The following ITGA10 variants were observed in gnomAD, a reference collection of about 807,000 sequenced individuals.
ITGA10 encodes integrin subunit alpha 10, also known as integrin alpha-10.
A neutral mutation model predicts 145.2 loss-of-function variants in ITGA10; 105 were observed. The ratio of observed to expected loss-of-function variants is 0.72; its 90% CI spans 0.62 to 0.85. The LOEUF (loss-of-function observed/expected upper bound fraction) is 0.85. Ranked by LOEUF, ITGA10 falls within the 40% of genes least tolerant of loss-of-function variation. The probability of loss-of-function intolerance (pLI) is 0.00; values close to 1 mark genes in which losing one functional copy is unlikely to be tolerated. For synonymous variants in ITGA10, 506 were observed against 557.8 expected (o/e 0.91, Z 1.31); for missense variants, 1,317 against 1,444.5 (o/e 0.91, Z 1.43).
chr1:145,895,397 A>C lies in ITGA10; in HGVS notation c.3115-4T>G, dbSNP rs375244751. 1 of 1,608,560 alleles carries C rather than the reference A, an allele frequency of 6.2e-7. No homozygotes were observed. Among genetic ancestry groups the C allele is most frequent in the South Asian group, 1.1e-5 (1 of 90,844 alleles). On this transcript the variant is annotated splice_polypyrimidine_tract_variant and splice_region_variant and intron_variant, in intron 26 of 29. Coordinates refer to ENST00000369304, the MANE Select transcript of ITGA10 (RefSeq NM_003637.5). ...GACACTGAGTATTGCTCCCATTCTAACAGAAGAGACAGAGAGAGACAGATC... is the reference window on the plus strand; with the variant it reads ...GACACTGAGTATTGCTCCCATTCTACCAGAAGAGACAGAGAGAGACAGATC...
chr1:145,898,659 C>T (rs1202921851), intron 17 of ITGA10, among the ~76,000 whole-genome samples: 6 of 152,142 alleles, frequency 3.9e-5, no homozygotes, highest in South Asian at 4.1e-4. Context: ...TGAGCCACTG[C>T]GCCCGGCTAA....
In ITGA10 at chr1:145,891,250, C is replaced by T. The variant is rs1383530655; in HGVS notation, c.*1548G>A. On this transcript the variant is annotated 3_prime_UTR_variant, in exon 30 of 30. Transcript: ENST00000369304. ...TTATTTGTTCTGACCATCTGATATA[C>T]TGTCCACCCCACTGGGAAACAGAGA... The T allele has an allele frequency of 6.6e-6, 1 of 152,642 alleles. No homozygotes were observed. Among genetic ancestry groups the T allele is most frequent in the Non-Finnish European group, 1.5e-5 (1 of 68,048 alleles). 9.5% of individuals were successfully genotyped at this position (152,642 alleles called of 1,614,324 possible).
Position 145,906,821 on chromosome 1 carries a change from T to A in ITGA10, c.278A>T (p.Asp93Val). 6.2e-7 allele frequency: 1 copy of A among 1,610,114 alleles called. No individual in the cohort carries two copies. The highest frequency in any genetic ancestry group is 1.1e-5 in the South Asian group (1 of 90,908). ...NAPCAKGHLG[D>V]YQLGNSSHPA... is the part of the protein sequence containing the mutation. Reference sequence around the variant, plus strand: ...ATGAGATGAATTTCCCAGTTGGTAGTCACCTGGTTGGAAGGAGGTGGAAGA... The same window carrying A: ...ATGAGATGAATTTCCCAGTTGGTAGACACCTGGTTGGAAGGAGGTGGAAGA... The change falls in exon 4 of 30, where the codon GAC (aspartate) becomes GTC (valine). Residue 93 changes from aspartate to valine, a missense_variant. Physicochemically the swap from Asp to Val is radical, Grantham distance 152. Transcript: ENST00000369304.
chr1:145,894,512 C>A (rs1405091381), intron 27 of ITGA10, among the ~76,000 whole-genome samples: 1 of 152,164 alleles, frequency 6.6e-6, no homozygotes, highest in Admixed American at 6.5e-5. Context: ...GTTTATTGGA[C>A]TTAACTTCCC....
rs1175734796 is a variant in ITGA10 at position 145,901,736 on chromosome 1, C to A, written c.1295-72G>T. On this transcript the variant is annotated intron_variant, in intron 11 of 29. Coordinates refer to ENST00000369304, the MANE Select transcript of ITGA10 (RefSeq NM_003637.5). This position sits in a 1 kb window ranked among gnomAD's most constrained non-coding sequence, Gnocchi z 4.3. ...CCAGAGTAGGGGGGTTCCCTAAAGGCATAGCAGGAGGTCCCAAGGGAAGTA... is the reference window on the plus strand; with the variant it reads ...CCAGAGTAGGGGGGTTCCCTAAAGGAATAGCAGGAGGTCCCAAGGGAAGTA... 2 of 1,537,154 alleles carry A rather than the reference C, an allele frequency of 1.3e-6. No individual in the cohort carries two copies. Among genetic ancestry groups the A allele is most frequent in the Non-Finnish European group, 1.8e-6 (2 of 1,140,140 alleles).
At position 145,900,073 on chromosome 1, in the gene ITGA10, C is replaced by A; in HGVS notation, c.1906G>T (p.Ala636Ser). Residue 636 changes from alanine to serine, a missense_variant, in exon 15 of 30, where the codon GCA becomes TCA. Transcript: ENST00000369304. ...ACCCCTCACCTGAGCAGGATGGCTG[C>A]CCCCTGGGCACCCACAGCCACATCG... is the stretch of plus-strand genomic sequence containing the variant. ...LVDVAVGAQG[A>S]AILLSSRPIV... 1 of 1,613,132 alleles carries A rather than the reference C, an allele frequency of 6.2e-7. No homozygotes were observed. The highest frequency in any genetic ancestry group is 8.5e-7 in the Non-Finnish European group (1 of 1,179,488).
In ITGA10 at chr1:145,893,270, A is replaced by T. The variant is rs77912414; in HGVS notation, c.3329T>A (p.Leu1110His). ...AGGCCGGGTCTGAACCACCTCCAAG[A>T]GGCTCTGCGTGGACAGAAGAGTAGT... The part of the protein sequence containing the change: ...LTEASRWSES[L>H]LEVVQTRPIL... Residue 1110 changes from leucine to histidine, a missense_variant, in exon 29 of 30, where the codon CTC becomes CAC. Coordinates refer to ENST00000369304, the MANE Select transcript of ITGA10 (RefSeq NM_003637.5). 2.5e-6 allele frequency: 4 copies of T among 1,609,884 alleles called. No homozygotes were observed. The highest frequency in any genetic ancestry group is 3.4e-6 in the Non-Finnish European group (4 of 1,176,162).
Position 145,909,949 on chromosome 1 carries a change from T to G in ITGA10, c.52+14A>C, listed in dbSNP as rs1553752670. The G allele has an allele frequency of 1.2e-6, 2 of 1,610,878 alleles. No individual in the cohort carries two copies. On this transcript the variant is annotated intron_variant, in intron 1 of 29. Coordinates refer to ENST00000369304, the MANE Select transcript of ITGA10 (RefSeq NM_003637.5). ...TCCATCCCCACCAGAAACCAAGAAG[T>G]TAACTTCCCTCACCTGTCAGGAACA...
At chr1:145,909,573 T>C (rs1314008288) in intron 1 of ITGA10, among the ~76,000 whole-genome samples, 1 of 135,358 alleles carries the variant, frequency 7.4e-6, no homozygotes, top group Non-Finnish European at 1.5e-5. Flanking sequence ...TTATATATAA[T>C]ATATAATTAT....
chr1:145,902,676 A>G, intron 8 of ITGA10, 57 bp from the exon 9 acceptor site: 3 of 1,542,102 alleles, frequency 1.9e-6, no homozygotes, highest in Non-Finnish European at 2.6e-6. Flanking sequence ...AACACAGCCA[A>G]CTAACATGCT....
Position 145,895,995 on chromosome 1 carries a change from G to A in ITGA10, c.3021C>T (p.Val1007=). 1 of 1,612,578 alleles carries A rather than the reference G, an allele frequency of 6.2e-7. No individual in the cohort carries two copies. The highest frequency in any genetic ancestry group is 2.2e-5 in the East Asian group (1 of 44,868). The change falls in exon 25 of 30, where the codon GTC becomes GTT. Residue 1007 remains valine, a synonymous_variant. Coordinates refer to ENST00000369304, the MANE Select transcript of ITGA10 (RefSeq NM_003637.5). Reference sequence around the variant, plus strand: ...AGACCAGACTCACATTGTTAGTGATGACTTGAGACAGTGATAGGAAGTAAT... The same window carrying A: ...AGACCAGACTCACATTGTTAGTGATAACTTGAGACAGTGATAGGAAGTAAT... ...GGNYFLSLSQ[V]ITNNASCIVQ...
At chr1:145,895,610 A>ACACC (rs782053035) in intron 26 of ITGA10, 21 bp downstream of exon 26, 12 of 1,611,698 alleles carry the variant, frequency 7.4e-6, no homozygotes, top group Non-Finnish European at 9.3e-6. Flanking sequence ...CCCACTCTGG[A>ACACC]CACCCCTTTG....
At chr1:145,895,222 T>C in intron 27 of ITGA10, 58 bp downstream of exon 27, 1 of 1,289,198 alleles carries the variant, frequency 7.8e-7, no homozygotes, top group African/African-American at 1.4e-5. Flanking sequence ...CTCCAAAACC[T>C]ATGCTAAAGT....
chr1:145,893,687 T>G, intron 27 of ITGA10, 52 bp from the exon 28 acceptor site: 1 of 1,422,864 alleles, frequency 7.0e-7, no homozygotes, highest in Non-Finnish European at 9.8e-7. Context: ...TATCAGGTGA[T>G]ATAGTTCTTT....
intron 26 of ITGA10, 41 bp from the exon 27 acceptor site, chr1:145,895,434 G>A: frequency 6.5e-7 from 1 of 1,532,118 alleles, no homozygotes; most frequent in African/African-American, 1.4e-5. Context: ...GGACTCTGGG[G>A]TAGAAACATC....
In ITGA10 at chr1:145,900,777, G is replaced by C; in HGVS notation, c.1791+13C>G. The C allele has an allele frequency of 1.2e-6, 2 of 1,613,214 alleles. No homozygotes were observed. Among genetic ancestry groups the C allele is most frequent in the South Asian group, 1.1e-5 (1 of 91,060 alleles). On this transcript the variant is annotated intron_variant, in intron 14 of 29. Transcript: ENST00000369304. Reference sequence around the variant, plus strand: ...CTACAACCGTGCCCCTGCTTTATTTGGGTACTCCTGACCTGGGCAGGATGG... The same window carrying C: ...CTACAACCGTGCCCCTGCTTTATTTCGGTACTCCTGACCTGGGCAGGATGG...
Position 145,909,932 on chromosome 1 carries a change from CACCAGAA to C in ITGA10, c.52+24_52+30del, listed in dbSNP as rs587731222. ...AAACAATCTATGTATCTTCCATCCC[CACCAGAA>C]ACCAAGAAGTTAACTTCCCTCACCT... On this transcript the variant is annotated intron_variant, in intron 1 of 29. Coordinates refer to ENST00000369304, the MANE Select transcript of ITGA10 (RefSeq NM_003637.5). 2.5e-3 allele frequency: 3,931 copies of C among 1,594,608 alleles called. 12 individuals are homozygous for C. Among genetic ancestry groups the C allele is most frequent in the Middle Eastern group, 0.017 (105 of 6,008 alleles).
intron 25 of ITGA10, 39 bp from the exon 26 acceptor site, chr1:145,895,750 G>A (rs1655300428): frequency 1.3e-6 from 2 of 1,591,892 alleles, no homozygotes; most frequent in Non-Finnish European, 1.7e-6. Flanking sequence ...TCCTGATGGG[G>A]TGGCGCTAGC....
intron 16 of ITGA10, 37 bp from the exon 17 acceptor site, chr1:145,899,115 T>G (rs782051937): frequency 3.7e-6 from 6 of 1,614,036 alleles, no homozygotes; most frequent in Non-Finnish European, 5.1e-6. Context: ...TGGAAAGGGG[T>G]CTAGTGAGGA....
Sources: allele counts gnomAD v4.1 joint callset (sites outside exome capture counted in the v4.1 genomes callset), GRCh38; gene constraint gnomAD v4.1.1; non-coding constraint Gnocchi (gnomAD v3.1); transcripts MANE v1.5; gene names NCBI Gene and HGNC (gene_info 2026-07-23, HGNC 2026-07-21).